Variants in SPECC1L observed in about 807,000 individuals in gnomAD.
The protein encoded by SPECC1L is cytospin-A.
In SPECC1L, 40 loss-of-function variants were observed where a neutral mutation model predicts 116.8. The observed-to-expected ratio is 0.34, with a 90% CI of 0.27 to 0.45. SPECC1L has a LOEUF of 0.45. SPECC1L is among the 20% of genes least tolerant of loss of function. The pLI is 1.00. For synonymous variants in SPECC1L, 504 were observed against 500.6 expected (o/e 1.01, Z -0.09); for missense variants, 1,110 against 1,373.6 (o/e 0.81, Z 3.03).
chr22:24,394,738 T>G (rs1601340401), intron 14 of SPECC1L, among the ~76,000 whole-genome samples: 2 of 152,222 alleles, frequency 1.3e-5, no homozygotes, highest in African/African-American at 2.4e-5. Flanking sequence ...TAGTGCTGTT[T>G]CCTGGTTTTA....
At chr22:24,327,737 A>G (rs1001136628) in intron 6 of SPECC1L, among the ~76,000 whole-genome samples, 8 of 152,058 alleles carry the variant, frequency 5.3e-5, no homozygotes, top group Admixed American at 3.3e-4. Flanking sequence ...AATTTATTCC[A>G]TTTTAAAGAT....
At chr22:24,363,385 T>G in intron 12 of SPECC1L, 41 bp downstream of exon 12, 1 of 1,542,992 alleles carries the variant, frequency 6.5e-7, no homozygotes, top group Non-Finnish European at 9.0e-7. Flanking sequence ...TTTGTTGTTT[T>G]TTAGAGACAG....
chr22:24,347,010 T>C lies in SPECC1L; in HGVS notation c.2653-76T>C, dbSNP rs546289406. 3 of 1,117,738 alleles carry C rather than the reference T, an allele frequency of 2.7e-6. No homozygotes were observed. In the Admixed American group the frequency reaches 5.1e-5, roughly 19 times the overall value. The allele number at this position is 1,117,738 out of a possible 1,614,324, so 69.2% of individuals were successfully genotyped here. ...ATTAATACGGATTTATAACTAAATA[T>C]CTACTCTGTGCGGCATTTACTTTGT... On this transcript the variant is annotated intron_variant, in intron 10 of 16. Transcript: ENST00000314328.
chr22:24,321,756 A>G lies in SPECC1L; in HGVS notation c.776A>G (p.Gln259Arg), dbSNP rs750889232. Reference protein sequence around the residue: ...QNTAIREELNQLKNENRMLKD... With the variant: ...QNTAIREELNRLKNENRMLKD... ...ACTGCCATCCGTGAAGAACTCAACC[A>G]GCTGAAAAATGAAAACAGAATGTTA... Residue 259 changes from glutamine (Q) to arginine (R), a missense_variant, in exon 5 of 17, where the codon CAG becomes CGG. Coordinates refer to ENST00000314328, the MANE Select transcript of SPECC1L (RefSeq NM_015330.6). The G allele has an allele frequency of 1.2e-6, 2 of 1,614,142 alleles. No homozygotes were observed. Among genetic ancestry groups the G allele is most frequent in the African/African-American group, 1.3e-5 (1 of 74,946 alleles).
rs774033666 is a variant in SPECC1L at position 24,365,621 on chromosome 22, A to C, written c.2973A>C (p.Arg991=). The C allele has an allele frequency of 1.9e-6, 3 of 1,614,138 alleles. No homozygotes were observed. The Admixed American group carries it at 5.0e-5, about 27-fold the overall frequency. The change falls in exon 13 of 17, where the codon CGA becomes CGC. Residue 991 remains arginine (R), a synonymous_variant. Transcript: ENST00000314328. Reference sequence around the variant, plus strand: ...CGGCATCTGTGACTCCCACCACCCGAAGCCGAATAAGGTAGAGAACAGTTA... The same window carrying C: ...CGGCATCTGTGACTCCCACCACCCGCAGCCGAATAAGGTAGAGAACAGTTA... ...SPTASVTPTT[R]SRIREERKDP... is the part of the protein sequence containing the mutation.
At chr22:24,410,388 CA>C in intron 14 of SPECC1L, among the ~76,000 whole-genome samples, 2 of 152,312 alleles carry the variant, frequency 1.3e-5, no homozygotes, top group African/African-American at 2.4e-5. Flanking sequence ...TCTGGGAGGT[CA>C]GGCTGAGTCA....
chr22:24,283,197 G>C (rs2048978890), intron 2 of SPECC1L, among the ~76,000 whole-genome samples: 1 of 152,124 alleles, frequency 6.6e-6, no homozygotes, highest in African/African-American at 2.4e-5. Flanking sequence ...TCCTGCGTCA[G>C]CCTCAGGAGT....
chr22:24,307,509 G>A (rs184549032), intron 3 of SPECC1L, among the ~76,000 whole-genome samples: 10 of 151,910 alleles, frequency 6.6e-5, no homozygotes, highest in Admixed American at 6.6e-4. Context: ...TACCTTTAAA[G>A]GTATCTTCAT....
At chr22:24,367,422 GA>G (rs2041791929) in intron 13 of SPECC1L, among the ~76,000 whole-genome samples, 1 of 151,092 alleles carries the variant, frequency 6.6e-6, no homozygotes, top group Non-Finnish European at 1.5e-5. Context: ...AATATTATGA[GA>G]TTTTTTTTTT....
chr22:24,326,609 C>T (rs1019761201), intron 6 of SPECC1L, among the ~76,000 whole-genome samples: 5 of 152,214 alleles, frequency 3.3e-5, no homozygotes, highest in African/African-American at 1.2e-4. Context: ...CTTGTTGTCT[C>T]AACACAAGAC....
At chr22:24,334,014 GTTT>G (rs11398083) in intron 8 of SPECC1L, among the ~76,000 whole-genome samples, 2 of 132,542 alleles carry the variant, frequency 1.5e-5, no homozygotes, top group Non-Finnish European at 1.6e-5. Flanking sequence ...GTTTTTTGTT[GTTT>G]TTTTTTTTTT....
chr22:24,322,616 C>T lies in SPECC1L; in HGVS notation c.1636C>T (p.Arg546Ter), dbSNP rs748635312. The T allele has an allele frequency of 6.2e-7, 1 of 1,614,024 alleles. No individual in the cohort carries two copies. The highest frequency in any genetic ancestry group is 8.5e-7 in the Non-Finnish European group (1 of 1,180,008). The stretch of plus-strand genomic sequence containing the variant: ...CAAAGAACGCAGTCACCATATGGAG[C>T]GAATTATTGAGTCTGAGCAGAAAGG... ...ALKERSHHME[R>*]IIESEQKGKA... Residue 546 changes from arginine to a stop codon, truncating the protein, a stop_gained, in exon 5 of 17, where the codon CGA (arginine) becomes TGA (stop). Transcript: ENST00000314328. LOFTEE classifies it high-confidence loss of function.
Position 24,321,474 on chromosome 22 carries a change from G to A in SPECC1L, c.494G>A (p.Arg165His), listed in dbSNP as rs547014400. Residue 165 changes from arginine to histidine, a missense_variant, in exon 5 of 17, where the codon CGT becomes CAT. By Grantham distance (29) the Arg-to-His change is conservative. Around this residue, in one of 4 missense-constraint regions of SPECC1L, gnomAD observed 437 missense variants for 482.6 expected, o/e 0.91. Transcript: ENST00000314328. ...RSRTATECDVRMSKSKSDNQI... is the reference protein window; with the variant it reads ...RSRTATECDVHMSKSKSDNQI... ...CGAACTGCTACAGAATGTGACGTTC[G>A]TATGAGCAAGTCTAAGTCAGACAAT... 1.7e-5 allele frequency: 27 copies of A among 1,614,250 alleles called. No individual in the cohort carries two copies. The Admixed American group carries it at 2.2e-4, about 13-fold the overall frequency.
chr22:24,355,479 C>T (rs1019146163), intron 11 of SPECC1L, among the ~76,000 whole-genome samples: 12 of 151,958 alleles, frequency 7.9e-5, no homozygotes, highest in African/African-American at 2.9e-4. Flanking sequence ...ACCTACCTAC[C>T]TACCTATCTA....
intron 11 of SPECC1L, among the ~76,000 whole-genome samples, chr22:24,363,052 T>G (rs1456321635): frequency 2.6e-5 from 4 of 152,202 alleles, no homozygotes; most frequent in African/African-American, 9.7e-5. Flanking sequence ...TTCCTAGAGA[T>G]AAAACATTGA....
intron 2 of SPECC1L, among the ~76,000 whole-genome samples, chr22:24,293,970 C>T (rs1310975529): frequency 3.8e-5 from 1 of 26,630 alleles, no homozygotes; most frequent in Non-Finnish European, 7.5e-5. Flanking sequence ...AGTACAGCAG[C>T]GCAGGTTAGT....
At chr22:24,350,672 T>G (rs1216693537) in intron 11 of SPECC1L, among the ~76,000 whole-genome samples, 1 of 152,146 alleles carries the variant, frequency 6.6e-6, no homozygotes, top group South Asian at 2.1e-4. Context: ...AAAAGCTCTA[T>G]GTGTTGAAGG....
At chr22:24,342,869 G>T (rs946665031) in intron 10 of SPECC1L, among the ~76,000 whole-genome samples, 2 of 151,970 alleles carry the variant, frequency 1.3e-5, no homozygotes, top group Admixed American at 6.6e-5. Flanking sequence ...GGGTCGGGGG[G>T]CAGAGTGGGA....
At chr22:24,354,472 A>T (rs1387595228) in intron 11 of SPECC1L, among the ~76,000 whole-genome samples, 1 of 151,976 alleles carries the variant, frequency 6.6e-6, no homozygotes, top group East Asian at 1.9e-4. Context: ...ATCTACTACC[A>T]TTTTTATTTG....
Sources: gnomAD v4.1 joint callset for allele counts (sites outside exome capture counted in the v4.1 genomes callset) on GRCh38, gnomAD v4.1.1 for gene constraint, gnomAD v4.1.1 regional missense constraint, MANE v1.5 for transcripts, NCBI Gene and HGNC (gene_info 2026-07-23, HGNC 2026-07-21) for gene names.